FRMPD1: variants seen among roughly 807,000 people sequenced by gnomAD.
FRMPD1 encodes the protein FERM and PDZ domain-containing protein 1.
A neutral mutation model predicts 117.8 loss-of-function variants in FRMPD1; 76 were observed. That is an observed-to-expected ratio of 0.65 (90% confidence interval 0.54 to 0.78). The LOEUF is 0.78. Ranked by LOEUF, FRMPD1 falls within the 30% of genes least tolerant of loss-of-function variation. The pLI is 0.00. For missense variants in FRMPD1, 1,786 were observed against 1,964.5 expected (o/e 0.91, Z 1.72); for synonymous variants, 783 against 770.4 (o/e 1.02, Z -0.27).
intron 4 of FRMPD1, among the ~76,000 whole-genome samples, chr9:37,709,491 G>A (rs1021998354): frequency 6.6e-6 from 1 of 151,792 alleles, no homozygotes; most frequent in Admixed American, 6.6e-5. Flanking sequence ...GGAGGCAGAG[G>A]TTGCAATGGG....
chr9:37,636,172 G>C, the FRMPD1 span, among the ~76,000 whole-genome samples: 1 of 152,178 alleles, frequency 6.6e-6, no homozygotes, highest in African/African-American at 2.4e-5. Context: ...GAGAGGAAAG[G>C]GTGGGCTGCT....
intron 1 of FRMPD1, among the ~76,000 whole-genome samples, chr9:37,685,001 T>C (rs112153761): frequency 2.5e-4 from 38 of 152,210 alleles, no homozygotes; most frequent in African/African-American, 8.7e-4. Context: ...CAATCCTCCC[T>C]GCTCAGCCTC....
chr9:37,683,991 A>G (rs1006593380), intron 1 of FRMPD1, among the ~76,000 whole-genome samples: 2 of 134,482 alleles, frequency 1.5e-5, no homozygotes, highest in Non-Finnish European at 1.6e-5. Context: ...TGCGGGGAAC[A>G]ACAGGTAATA....
upstream of FRMPD1, among the ~76,000 whole-genome samples, chr9:37,650,680 T>A (rs963862116): frequency 6.6e-6 from 1 of 152,048 alleles, no homozygotes; most frequent in African/African-American, 2.4e-5. Context: ...CCAGCCTCAG[T>A]CTCCCCCCTG....
At chr9:37,620,387 A>T in the FRMPD1 span, among the ~76,000 whole-genome samples, 1 of 152,190 alleles carries the variant, frequency 6.6e-6, no homozygotes, top group Non-Finnish European at 1.5e-5. Context: ...TCATCTATAA[A>T]ATAGGAATAA....
chr9:37,680,831 T>G (rs949015701), intron 1 of FRMPD1, among the ~76,000 whole-genome samples: 1 of 152,044 alleles, frequency 6.6e-6, no homozygotes, highest in Non-Finnish European at 1.5e-5. Flanking sequence ...GGGTTCCTGT[T>G]GGAGAGAGAG....
chr9:37,721,639 G>C (rs187433905), intron 6 of FRMPD1, among the ~76,000 whole-genome samples: 100 of 152,152 alleles, frequency 6.6e-4, no homozygotes, highest in African/African-American at 2.4e-3. Context: ...CCCAGAGATT[G>C]CATTCCTGTT....
At chr9:37,626,940 C>T in the FRMPD1 span, among the ~76,000 whole-genome samples, 1 of 152,152 alleles carries the variant, frequency 6.6e-6, no homozygotes, top group Non-Finnish European at 1.5e-5. Context: ...GTTTAGAGTA[C>T]ACCTGCTTTG....
rs958418188 is a variant in FRMPD1, at chr9:37,713,589, A to G, written c.408+2194A>G. Among the ~76,000 whole-genome samples the G allele has an allele frequency of 1.9e-4, 29 of 152,012 alleles. 1 individual carries two copies. The highest frequency in any genetic ancestry group is 3.8e-4 in the East Asian group (2 of 5,200). Reference sequence around the variant, plus strand: ...TGGGTGACAAGGTGAGACCGTATATATATATATATGTAGAGAGAGAGAGAG... The same window carrying G: ...TGGGTGACAAGGTGAGACCGTATATGTATATATATGTAGAGAGAGAGAGAG... On this transcript the variant is annotated intron_variant, in intron 5 of 15. Coordinates refer to ENST00000377765, the MANE Select transcript of FRMPD1 (RefSeq NM_014907.3).
In FRMPD1 at chr9:37,740,169, G is replaced by C; in HGVS notation, c.1641G>C (p.Leu547=). The C allele has an allele frequency of 1.9e-6, 3 of 1,613,874 alleles. No individual in the cohort carries two copies. The highest frequency in any genetic ancestry group is 2.5e-6 in the Non-Finnish European group (3 of 1,179,848). ...EPLSDRRLVK[L]APCRSLIKEE... is the part of the protein sequence containing the mutation. ...TCTCTGACAGGCGCCTGGTGAAACT[G>C]GCACCCTGCAGATCACTCATAAAGG... is the stretch of plus-strand genomic sequence containing the variant. Residue 547 remains leucine (L), a synonymous_variant, in exon 15 of 16, where the codon CTG becomes CTC. Coordinates refer to ENST00000377765, the MANE Select transcript of FRMPD1 (RefSeq NM_014907.3). The surrounding 1 kb of genome is among the most constrained non-coding windows in gnomAD (Gnocchi z 4.2).
chr9:37,705,121 T>C (rs77195635), intron 2 of FRMPD1, among the ~76,000 whole-genome samples: 1,549 of 152,298 alleles, frequency 0.01, 25 homozygotes, highest in African/African-American at 0.034. Context: ...TTTGTGTTTT[T>C]ATCCTGCATC....
chr9:37,638,209 G>A, the FRMPD1 span, among the ~76,000 whole-genome samples: 3 of 151,826 alleles, frequency 2.0e-5, no homozygotes, highest in South Asian at 4.2e-4. Context: ...GAGTAGCTGG[G>A]ATTACAGGCA....
intron 1 of FRMPD1, among the ~76,000 whole-genome samples, chr9:37,658,893 G>A (rs1820917572): frequency 6.6e-6 from 1 of 152,110 alleles, no homozygotes; most frequent in Admixed American, 6.5e-5. Flanking sequence ...TTGAGACTGG[G>A]TTTGGCTCTG....
intron 1 of FRMPD1, among the ~76,000 whole-genome samples, chr9:37,654,416 G>A (rs149652255): frequency 5.3e-5 from 8 of 152,318 alleles, no homozygotes; most frequent in African/African-American, 1.9e-4. Context: ...GTAGTTCTGT[G>A]TATGAGAATG....
chr9:37,746,296 T>TG lies in FRMPD1; in HGVS notation c.4264_4265insG (p.Phe1422CysfsTer71), dbSNP rs757262480. On this transcript the variant is annotated frameshift_variant, in exon 16 of 16. Transcript: ENST00000377765. LOFTEE classifies it high-confidence loss of function. ...CACCCCTGCCAGCACCCCTGAGGGC[T>TG]TCATCCAACTCATGGAGAGCTTGCT... The TG allele has an allele frequency of 1.2e-6, 2 of 1,612,658 alleles. No individual in the cohort carries two copies. Among genetic ancestry groups the TG allele is most frequent in the East Asian group, 4.5e-5 (2 of 44,892 alleles).
Position 37,714,652 on chromosome 9 carries a change from T to TTTATTTTATC in FRMPD1, c.408+3263_408+3264insTATCTTATTT, listed in dbSNP as rs1563945029. Among the ~76,000 whole-genome samples the TTTATTTTATC allele has an allele frequency of 6.0e-4, 47 of 78,738 alleles. 1 individual carries two copies. The East Asian group carries it at 0.017, about 28-fold the overall frequency. 51.7% of individuals were successfully genotyped at this position (78,738 alleles called of 152,430 possible). A position where few individuals can be genotyped will look rare whatever the true frequency, so the allele number is the denominator to read the frequency against. ...TTTGTTTTATTTTATTTTATCTTATTTTATTTATTTTTGAGATGAAGTCTT... is the reference window on the plus strand; with the variant it reads ...TTTGTTTTATTTTATTTTATCTTATTTTATTTTATCTTATTTATTTTTGAGATGAAGTCTT... On this transcript the variant is annotated intron_variant, in intron 5 of 15. Transcript: ENST00000377765.
At chr9:37,661,579 C>A (rs751100537) in intron 1 of FRMPD1, among the ~76,000 whole-genome samples, 2 of 152,136 alleles carry the variant, frequency 1.3e-5, no homozygotes, top group Non-Finnish European at 2.9e-5. Flanking sequence ...CATAAAGCCC[C>A]CCAGTGTCCT....
the FRMPD1 span, among the ~76,000 whole-genome samples, chr9:37,642,586 G>A: frequency 2.6e-5 from 4 of 152,106 alleles, no homozygotes; most frequent in African/African-American, 7.2e-5. Context: ...CAAATATTAG[G>A]TCTCAATAAA....
At chr9:37,641,980 G>A in the FRMPD1 span, among the ~76,000 whole-genome samples, 45 of 152,220 alleles carry the variant, frequency 3.0e-4, no homozygotes, top group South Asian at 4.6e-3. Flanking sequence ...CAGACCCAGA[G>A]CAGGCTTGAC....
Sources: allele counts gnomAD v4.1 joint callset (sites outside exome capture counted in the v4.1 genomes callset), GRCh38; gene constraint gnomAD v4.1.1; non-coding constraint Gnocchi (gnomAD v3.1); transcripts MANE v1.5; gene names NCBI Gene and HGNC (gene_info 2026-07-23, HGNC 2026-07-21).